Variants in DYNC1H1 observed in about 807,000 individuals in gnomAD.
DYNC1H1 encodes cytoplasmic dynein 1 heavy chain 1.
In DYNC1H1, 51 loss-of-function variants were observed where a neutral mutation model predicts 527.1. The observed-to-expected ratio is 0.10, with a 90% confidence interval of 0.08 to 0.12. The LOEUF (loss-of-function observed/expected upper bound fraction) is 0.12. Among genes scored for constraint, DYNC1H1 ranks in the 10% least tolerant of loss-of-function variants. The pLI, the probability that DYNC1H1 is intolerant of heterozygous loss-of-function variation, is 1.00. For missense variants in DYNC1H1, 2,771 were observed against 5,971.8 expected (o/e 0.46, Z 17.66); for synonymous variants, 2,189 against 2,278.8 (o/e 0.96, Z 1.12).
chr14:102,033,863 C>A lies in DYNC1H1; in HGVS notation c.10414-113C>A. On this transcript the variant is annotated intron_variant, in intron 54 of 77. Coordinates refer to ENST00000360184, the MANE Select transcript of DYNC1H1 (RefSeq NM_001376.5). The surrounding 1 kb of genome is among the most constrained non-coding windows in gnomAD (Gnocchi z 5.6). ...TCTGGGACTGTGAACAACTTGGGCA[C>A]GTTTCTAACCCACCCAAAACCCTGC... The A allele has an allele frequency of 8.5e-7, 1 of 1,179,670 alleles. No individual in the cohort carries two copies. The highest frequency in any genetic ancestry group is 2.0e-5 in the Admixed American group (1 of 51,214). 73.1% of individuals were successfully genotyped at this position (1,179,670 alleles called of 1,614,324 possible). A position where few individuals can be genotyped will look rare whatever the true frequency, so the allele number is the denominator to read the frequency against.
intron 72 of DYNC1H1, among the ~76,000 whole-genome samples, chr14:102,047,255 A>G (rs2048731616): frequency 1.3e-5 from 2 of 152,162 alleles, no homozygotes; most frequent in Non-Finnish European, 2.9e-5. Flanking sequence ...ATGACTGGCC[A>G]GGCATGGTGG....
At chr14:102,007,464 G>A (rs1009744075) in intron 28 of DYNC1H1, among the ~76,000 whole-genome samples, 1 of 152,134 alleles carries the variant, frequency 6.6e-6, no homozygotes, top group Admixed American at 6.5e-5. Context: ...CAGTAGCTTT[G>A]TCATTGAGAT....
At position 102,032,402 on chromosome 14, in the gene DYNC1H1, C is replaced by T; in HGVS notation, c.10014C>T (p.Ile3338=). Residue 3338 remains isoleucine (I), a synonymous_variant, in exon 52 of 78, where the codon ATC becomes ATT. Coordinates refer to ENST00000360184, the MANE Select transcript of DYNC1H1 (RefSeq NM_001376.5). ...LGESTTDWKQ[I]RSIIMRENFI... ...AAAGCACCACAGACTGGAAGCAGATCCGCTCCATCATCATGCGGGAGAACT... is the reference window on the plus strand; with the variant it reads ...AAAGCACCACAGACTGGAAGCAGATTCGCTCCATCATCATGCGGGAGAACT... The T allele has an allele frequency of 6.2e-7, 1 of 1,614,246 alleles. No individual in the cohort carries two copies. Among genetic ancestry groups the T allele is most frequent in the Non-Finnish European group, 8.5e-7 (1 of 1,180,052 alleles).
chr14:101,980,272 A>G, intron 4 of DYNC1H1, 92 bp from the exon 5 acceptor site: 1 of 1,483,118 alleles, frequency 6.7e-7, no homozygotes, highest in South Asian at 1.2e-5. Flanking sequence ...TGAAATATAA[A>G]AATTGAGTTG....
chr14:101,981,388 G>A (rs1437266601), intron 5 of DYNC1H1, among the ~76,000 whole-genome samples: 1 of 152,198 alleles, frequency 6.6e-6, no homozygotes, highest in Non-Finnish European at 1.5e-5. Context: ...CTCCCAAAGT[G>A]CTAGGATTAC....
rs2048081875 is a variant in DYNC1H1, at chr14:101,997,860, GGA to G, written c.3804+593_3804+594del. Among the ~76,000 whole-genome samples the G allele has an allele frequency of 6.6e-6, 1 of 152,166 alleles. No individual in the cohort carries two copies. Among genetic ancestry groups the G allele is most frequent in the African/African-American group, 2.4e-5 (1 of 41,446 alleles). ...TACCTTCATGGAATCACGCTCCGTGGGAGAGAGAAAAAAAATGAGCAAGAAGA... is the reference window on the plus strand; with the variant it reads ...TACCTTCATGGAATCACGCTCCGTGGGAGAGAAAAAAAATGAGCAAGAAGA... On this transcript the variant is annotated intron_variant, in intron 16 of 77. Coordinates refer to ENST00000360184, the MANE Select transcript of DYNC1H1 (RefSeq NM_001376.5). This position sits in a 1 kb window ranked among gnomAD's most constrained non-coding sequence, Gnocchi z 4.8.
chr14:102,047,677 G>A (rs928885032), intron 72 of DYNC1H1, 140 bp from the exon 73 acceptor site: 4 of 663,302 alleles, frequency 6.0e-6, no homozygotes, highest in Non-Finnish European at 1.0e-5. Context: ...ACACACGGCT[G>A]AGCACCTTCC....
chr14:102,050,261 C>G, intron 77 of DYNC1H1, 63 bp downstream of exon 77: 1 of 1,612,988 alleles, frequency 6.2e-7, no homozygotes. Context: ...AGGGCAGAGG[C>G]GGCTCCTCTT....
Position 102,005,986 on chromosome 14 carries a change from T to A in DYNC1H1, c.5532T>A (p.Phe1844Leu). 1 of 1,614,268 alleles carries A rather than the reference T, an allele frequency of 6.2e-7. No individual in the cohort carries two copies. The change falls in exon 27 of 78, where the codon TTT (phenylalanine) becomes TTA (leucine). Residue 1844 changes from phenylalanine (F) to leucine (L), a missense_variant. Around this residue, in one of 32 missense-constraint regions of DYNC1H1, gnomAD observed 64 missense variants for 143.4 expected, o/e 0.45. Transcript: ENST00000360184. The surrounding 1 kb of genome is among the most constrained non-coding windows in gnomAD (Gnocchi z 4.0). The stretch of plus-strand genomic sequence containing the variant: ...TTGAATGGCTCAGCCAGATGCGATT[T>A]TACTTTGACCCTAAGCAAACTGATG... Reference protein sequence around the residue: ...KSFEWLSQMRFYFDPKQTDVL... With the variant: ...KSFEWLSQMRLYFDPKQTDVL...
At position 102,002,443 on chromosome 14, in the gene DYNC1H1, C is replaced by A; in HGVS notation, c.4543-94C>A. 6.6e-7 allele frequency: 1 copy of A among 1,509,818 alleles called. No homozygotes were observed. The highest frequency in any genetic ancestry group is 9.2e-7 in the Non-Finnish European group (1 of 1,088,394). The allele number at this position is 1,509,818 out of a possible 1,614,324, so 93.5% of individuals were successfully genotyped here. ...GTTTAAAATGTGAATCAGATTACTT[C>A]ATGAGATCCTGATCTGCGCTTTTTC... On this transcript the variant is annotated intron_variant, in intron 21 of 77. Transcript: ENST00000360184. The surrounding 1 kb of genome is among the most constrained non-coding windows in gnomAD (Gnocchi z 4.4).
chr14:101,991,579 C>G lies in DYNC1H1; in HGVS notation c.2921C>G (p.Pro974Arg). 6.2e-7 allele frequency: 1 copy of G among 1,614,126 alleles called. No individual in the cohort carries two copies. Among genetic ancestry groups the G allele is most frequent in the Non-Finnish European group, 8.5e-7 (1 of 1,180,022 alleles). The change falls in exon 11 of 78, where the codon CCA becomes CGA. Residue 974 changes from proline (P) to arginine (R), a missense_variant. Pro to Arg is a moderately radical substitution (Grantham distance 103, BLOSUM62 -2). Transcript: ENST00000360184. Reference sequence around the variant, plus strand: ...AATCAGGTAATCTACTTGAATCCACCAATTGAAGAGTGCAGATACAAGCTG... The same window carrying G: ...AATCAGGTAATCTACTTGAATCCACGAATTGAAGAGTGCAGATACAAGCTG... ...ITNQVIYLNP[P>R]IEECRYKLYQ...
Position 102,039,111 on chromosome 14 carries a change from C to T in DYNC1H1, c.11317C>T (p.Leu3773=). The T allele has an allele frequency of 6.2e-7, 1 of 1,614,204 alleles. No individual in the cohort carries two copies. The highest frequency in any genetic ancestry group is 8.5e-7 in the Non-Finnish European group (1 of 1,180,044). ...DDTIITTLEN[L]KREAAEVTRK... Reference sequence around the variant, plus strand: ...CACGATCATAACCACTCTGGAGAACCTGAAGAGAGAGGCTGCAGAGGTCAC... The same window carrying T: ...CACGATCATAACCACTCTGGAGAACTTGAAGAGAGAGGCTGCAGAGGTCAC... Residue 3773 remains leucine, a synonymous_variant, in exon 60 of 78, where the codon CTG becomes TTG. Coordinates refer to ENST00000360184, the MANE Select transcript of DYNC1H1 (RefSeq NM_001376.5). The surrounding 1 kb of genome is among the most constrained non-coding windows in gnomAD (Gnocchi z 7.0).
At chr14:101,992,376 C>T (rs902987985) in intron 11 of DYNC1H1, among the ~76,000 whole-genome samples, 1 of 152,186 alleles carries the variant, frequency 6.6e-6, no homozygotes, top group African/African-American at 2.4e-5. Flanking sequence ...CACTGTCCAG[C>T]TAATCAGAAC....
intron 5 of DYNC1H1, 84 bp downstream of exon 5, chr14:101,980,634 A>C: frequency 1.4e-5 from 21 of 1,500,070 alleles, no homozygotes; most frequent in Non-Finnish European, 1.9e-5. Flanking sequence ...AATGAAAACT[A>C]TAGTTTTCAC....
In DYNC1H1 at chr14:102,053,102, G is replaced by A. The variant is rs1259960265; in HGVS notation, c.*2539G>A. 1 of 151,886 alleles carries A rather than the reference G, an allele frequency of 6.6e-6. No homozygotes were observed. The allele number at this position is 151,886 out of a possible 1,614,324, so 9.4% of individuals were successfully genotyped here. A position where few individuals can be genotyped will look rare whatever the true frequency, so the allele number is the denominator to read the frequency against. On this transcript the variant is annotated 3_prime_UTR_variant, in exon 78 of 78. Coordinates refer to ENST00000360184, the MANE Select transcript of DYNC1H1 (RefSeq NM_001376.5). ...GACTCTTCCTCCCGTCACTGATGCT[G>A]GTTTTTGCAGGCTCTGCCTTGCAAA... is the stretch of plus-strand genomic sequence containing the variant.
intron 11 of DYNC1H1, among the ~76,000 whole-genome samples, chr14:101,993,876 C>T (rs1215680877): frequency 6.6e-6 from 1 of 152,120 alleles, no homozygotes; most frequent in Non-Finnish European, 1.5e-5. Context: ...GCTTGTTGTA[C>T]CTAGAACAGT....
Position 102,012,512 on chromosome 14 carries a change from T to C in DYNC1H1, c.7014+42T>C. 2 of 1,614,048 alleles carry C rather than the reference T, an allele frequency of 1.2e-6. No homozygotes were observed. Among genetic ancestry groups the C allele is most frequent in the East Asian group, 4.5e-5 (2 of 44,882 alleles). On this transcript the variant is annotated intron_variant, in intron 34 of 77. Coordinates refer to ENST00000360184, the MANE Select transcript of DYNC1H1 (RefSeq NM_001376.5). This position sits in a 1 kb window ranked among gnomAD's most constrained non-coding sequence, Gnocchi z 4.9. ...ATGTCGTCAACTGAATAATTCCTTT[T>C]GGCCAACTAAACTTCGTGTGCTAGC...
At chr14:101,982,461 A>G (rs1266669125) in intron 5 of DYNC1H1, among the ~76,000 whole-genome samples, 5 of 152,012 alleles carry the variant, frequency 3.3e-5, no homozygotes, top group Middle Eastern at 6.8e-3. Context: ...GCGTGGTGGC[A>G]GGCGCCTGTA....
In DYNC1H1 at chr14:102,049,694, G is replaced by T; in HGVS notation, c.13516-20G>T. The T allele has an allele frequency of 6.2e-7, 1 of 1,613,882 alleles. No homozygotes were observed. The highest frequency in any genetic ancestry group is 1.1e-5 in the South Asian group (1 of 91,080). On this transcript the variant is annotated intron_variant, in intron 75 of 77. Coordinates refer to ENST00000360184, the MANE Select transcript of DYNC1H1 (RefSeq NM_001376.5). The surrounding 1 kb of genome is among the most constrained non-coding windows in gnomAD (Gnocchi z 5.5). ...GGTCTGACCTGAGCTCCTTCCCCTG[G>T]GGGCTGCTGCTTTCCACAGAACATC...
Sources: gnomAD v4.1 joint callset for allele counts (sites outside exome capture counted in the v4.1 genomes callset) on GRCh38, gnomAD v4.1.1 for gene constraint, gnomAD v4.1.1 regional missense constraint, Gnocchi (gnomAD v3.1) non-coding constraint, MANE v1.5 for transcripts, NCBI Gene and HGNC (gene_info 2026-07-23, HGNC 2026-07-21) for gene names.